ME1: variants seen among roughly 807,000 people sequenced by gnomAD.
ME1 encodes NADP-dependent malic enzyme.
ME1 carries 74 observed loss-of-function variants against 66.4 expected under a neutral mutation model. That is an observed-to-expected ratio of 1.11 (90% CI 0.92 to 1.35). The LOEUF (loss-of-function observed/expected upper bound fraction) is 1.35, where lower values mean the gene tolerates loss of function less well. ME1 is among the 40% of genes most tolerant of loss of function. The pLI is 0.00. For missense variants in ME1, 750 were observed against 694.1 expected, an observed-to-expected ratio of 1.08 and a Z score of -0.90; for synonymous variants, 251 against 235.6, an observed-to-expected ratio of 1.07 and a Z score of -0.60.
chr6:83,321,751 G>C (rs1052475989), intron 5 of ME1, among the ~76,000 whole-genome samples: 4 of 152,208 alleles, frequency 2.6e-5, no homozygotes, highest in Non-Finnish European at 5.9e-5. Flanking sequence ...TTTCCAGCCT[G>C]ACAGCTCTGA....
intron 5 of ME1, among the ~76,000 whole-genome samples, chr6:83,320,768 A>AAGT (rs1768154567): frequency 6.6e-6 from 1 of 152,228 alleles, no homozygotes. Flanking sequence ...CACCATAAAG[A>AAGT]AGTCTGACTA....
intron 12 of ME1, among the ~76,000 whole-genome samples, chr6:83,221,081 A>G (rs1467587675): frequency 6.6e-6 from 1 of 151,212 alleles, no homozygotes; most frequent in Non-Finnish European, 1.5e-5. Flanking sequence ...TATTGCTTGA[A>G]CCAGGGAGTT....
At chr6:83,251,719 C>A (rs1368304537) in intron 7 of ME1, among the ~76,000 whole-genome samples, 1 of 151,978 alleles carries the variant, frequency 6.6e-6, no homozygotes, top group Non-Finnish European at 1.5e-5. Flanking sequence ...AGAAACCTGG[C>A]TCATTTCAGG....
chr6:83,308,118 A>T (rs952475838), intron 6 of ME1, among the ~76,000 whole-genome samples: 1 of 152,144 alleles, frequency 6.6e-6, no homozygotes, highest in Non-Finnish European at 1.5e-5. Context: ...TCAGACTAAG[A>T]TTATTTCTCT....
At chr6:83,421,293 T>C (rs1770261451) in intron 1 of ME1, among the ~76,000 whole-genome samples, 1 of 152,122 alleles carries the variant, frequency 6.6e-6, no homozygotes, top group South Asian at 2.1e-4. Flanking sequence ...AAATGTTGAG[T>C]GTACATTTGG....
At chr6:83,330,937 T>C (rs1195547538) in intron 5 of ME1, among the ~76,000 whole-genome samples, 1 of 152,140 alleles carries the variant, frequency 6.6e-6, no homozygotes, top group East Asian at 1.9e-4. Context: ...TTACTAATGA[T>C]GACTGGTATT....
At chr6:83,303,408 T>G (rs573446838) in intron 6 of ME1, among the ~76,000 whole-genome samples, 1 of 152,308 alleles carries the variant, frequency 6.6e-6, no homozygotes, top group East Asian at 1.9e-4. Flanking sequence ...AAATAAAAAC[T>G]TCTTGTGAAC....
intron 3 of ME1, among the ~76,000 whole-genome samples, chr6:83,385,888 C>T (rs1161473083): frequency 1.3e-5 from 2 of 151,670 alleles, no homozygotes; most frequent in Admixed American, 1.3e-4. Context: ...AGTTTAAATT[C>T]ATAATTTAAG....
At chr6:83,313,497 A>G (rs1412643871) in intron 6 of ME1, among the ~76,000 whole-genome samples, 1 of 152,204 alleles carries the variant, frequency 6.6e-6, no homozygotes, top group East Asian at 1.9e-4. Flanking sequence ...CCAATAATAA[A>G]AACTCCTTCT....
At chr6:83,340,681 A>ATT (rs59194661) in intron 5 of ME1, among the ~76,000 whole-genome samples, 2,226 of 146,950 alleles carry the variant, frequency 0.015, 40 homozygotes, top group African/African-American at 0.047. Context: ...GTTATGTGCT[A>ATT]TTTTTTTTTT....
intron 1 of ME1, among the ~76,000 whole-genome samples, chr6:83,415,873 A>G (rs546794993): frequency 6.6e-6 from 1 of 152,238 alleles, no homozygotes; most frequent in South Asian, 2.1e-4. Flanking sequence ...AGGTTTCTCA[A>G]TCTTGGTACT....
intron 3 of ME1, among the ~76,000 whole-genome samples, chr6:83,362,304 G>T (rs987909311): frequency 1.3e-5 from 2 of 152,208 alleles, no homozygotes; most frequent in African/African-American, 4.8e-5. Flanking sequence ...GAGGTATGTG[G>T]ATCGACCTCT....
intron 6 of ME1, among the ~76,000 whole-genome samples, chr6:83,304,910 G>A (rs1767798246): frequency 6.6e-6 from 1 of 152,112 alleles, no homozygotes; most frequent in African/African-American, 2.4e-5. Flanking sequence ...TGCATTAAAT[G>A]TCGTTAGATT....
intron 1 of ME1, among the ~76,000 whole-genome samples, chr6:83,408,737 C>T (rs796586453): frequency 8.5e-5 from 13 of 152,252 alleles, no homozygotes; most frequent in African/African-American, 1.4e-4. Flanking sequence ...GAGCAGCTCC[C>T]GTAGTCATTA....
chr6:83,369,914 A>G (rs1423498250), intron 3 of ME1, among the ~76,000 whole-genome samples: 1 of 152,224 alleles, frequency 6.6e-6, no homozygotes, highest in East Asian at 1.9e-4. Context: ...ATGAAAGAAC[A>G]GTAAAGATGA....
intron 6 of ME1, among the ~76,000 whole-genome samples, chr6:83,303,191 A>C (rs2128537067): frequency 6.6e-6 from 1 of 152,300 alleles, no homozygotes; most frequent in Admixed American, 6.5e-5. Context: ...ACTGATACAG[A>C]TGTTTCAAAA....
intron 1 of ME1, among the ~76,000 whole-genome samples, chr6:83,414,696 T>A (rs900655779): frequency 6.6e-6 from 1 of 152,204 alleles, no homozygotes; most frequent in Admixed American, 6.5e-5. Context: ...TATTTCTCAC[T>A]TAAAAGTCTT....
At chr6:83,257,495 C>G (rs1022029417) in intron 6 of ME1, among the ~76,000 whole-genome samples, 3 of 152,056 alleles carry the variant, frequency 2.0e-5, no homozygotes, top group African/African-American at 7.2e-5. Context: ...CATTTCAGTG[C>G]TCTGTAAATC....
At chr6:83,273,739 A>T (rs900034772) in intron 6 of ME1, among the ~76,000 whole-genome samples, 5 of 152,188 alleles carry the variant, frequency 3.3e-5, no homozygotes, top group African/African-American at 1.2e-4. Flanking sequence ...GCTGACAAGA[A>T]TCTACTTCAT....
Sources: gnomAD v4.1 joint callset for allele counts (sites outside exome capture counted in the v4.1 genomes callset) on GRCh38, gnomAD v4.1.1 for gene constraint, MANE v1.5 for transcripts, NCBI Gene and HGNC (gene_info 2026-07-23, HGNC 2026-07-21) for gene names.